STS: variants seen among roughly 807,000 people sequenced by gnomAD.
The protein encoded by STS is steryl-sulfatase.
STS carries 7 observed loss-of-function variants against 26.8 expected under a neutral mutation model. The observed-to-expected ratio is 0.26, with a 90% CI of 0.15 to 0.49. STS has a LOEUF of 0.49. Among genes scored for constraint, STS ranks in the 20% least tolerant of loss-of-function variants. STS has a pLI of 0.98. For missense variants in STS, 434 were observed against 465.6 expected, an observed-to-expected ratio of 0.93 and a Z score of 0.63; for synonymous variants, 199 against 189.4, an observed-to-expected ratio of 1.05 and a Z score of -0.42.
In STS at chrX:7,259,784, C is replaced by T; in HGVS notation, c.806+12C>T. ...CAGTTCATACAGCGGTGGGTATTGCCTTGTCCTCTGATGCTGCCTGTTAAA... is the reference window on the plus strand; with the variant it reads ...CAGTTCATACAGCGGTGGGTATTGCTTTGTCCTCTGATGCTGCCTGTTAAA... On this transcript the variant is annotated intron_variant, in intron 6 of 10. Coordinates refer to ENST00000674429, the MANE Select transcript of STS (RefSeq NM_001320752.2). The T allele has an allele frequency of 8.3e-7, 1 of 1,207,712 alleles. No homozygotes were observed. The highest frequency in any genetic ancestry group is 1.1e-6 in the Non-Finnish European group (1 of 894,087).
intron 2 of STS, among the ~76,000 whole-genome samples, chrX:7,196,455 C>A (rs1387379105): frequency 1.8e-5 from 2 of 111,490 alleles, no homozygotes; most frequent in African/African-American, 6.5e-5. Context: ...ATAATTCTTA[C>A]GCCAAAGAAG....
At chrX:7,333,319 T>C (rs1841986872) in intron 9 of STS, among the ~76,000 whole-genome samples, 1 of 112,414 alleles carries the variant, frequency 8.9e-6, no homozygotes, top group South Asian at 3.7e-4. Context: ...TAAGTAATCT[T>C]ATTTTGCTCA....
In STS at chrX:7,259,659, C is replaced by T. The variant is rs1407325114; in HGVS notation, c.693C>T (p.Tyr231=). 2 of 1,211,089 alleles carry T rather than the reference C, an allele frequency of 1.7e-6. No individual in the cohort carries two copies. The highest frequency in any genetic ancestry group is 3.5e-5 in the South Asian group (2 of 56,888). ...ILTLFLGFLH[Y]FRPLNCFMMR... ...CCCTTTTCTTGGGCTTCCTTCATTACTTCCGGCCCCTGAACTGCTTCATGA... is the reference window on the plus strand; with the variant it reads ...CCCTTTTCTTGGGCTTCCTTCATTATTTCCGGCCCCTGAACTGCTTCATGA... Residue 231 remains tyrosine, a synonymous_variant, in exon 6 of 11, where the codon TAC becomes TAT. Coordinates refer to ENST00000674429, the MANE Select transcript of STS (RefSeq NM_001320752.2).
intron 8 of STS, among the ~76,000 whole-genome samples, chrX:7,320,024 TTATA>T (rs1193661268): frequency 1.1e-5 from 1 of 94,490 alleles, no homozygotes; most frequent in African/African-American, 3.9e-5. Flanking sequence ...TTATATATAT[TTATA>T]TATATATTTA....
chrX:7,169,822 G>A (rs1933428269), intron 1 of STS, among the ~76,000 whole-genome samples: 1 of 107,164 alleles, frequency 9.3e-6, no homozygotes, highest in Admixed American at 1.0e-4. Flanking sequence ...TGTTGGAAAA[G>A]GCAGTGTCAA....
At chrX:7,235,614 T>G (rs1922280487) in intron 2 of STS, among the ~76,000 whole-genome samples, 1 of 111,418 alleles carries the variant, frequency 9.0e-6, no homozygotes, top group Non-Finnish European at 1.9e-5. Flanking sequence ...TTACAAAAAT[T>G]TTTTAAAAAT....
At chrX:7,252,198 C>T (rs1413909440) in intron 2 of STS, 6 of 518,282 alleles carry the variant, frequency 1.2e-5, no homozygotes, top group Non-Finnish European at 1.4e-5. Flanking sequence ...TGAGTTTTGT[C>T]TCCTGATGTC....
chrX:7,250,871 C>G (rs1923106407), intron 2 of STS, among the ~76,000 whole-genome samples: 1 of 112,077 alleles, frequency 8.9e-6, no homozygotes, highest in Non-Finnish European at 1.9e-5. Context: ...ATGAGGAAAG[C>G]AGAAAGTGTC....
intron 1 of STS, among the ~76,000 whole-genome samples, chrX:7,156,787 A>G (rs1403358732): frequency 8.9e-6 from 1 of 112,236 alleles, no homozygotes; most frequent in Non-Finnish European, 1.9e-5. Flanking sequence ...AAAAATACCT[A>G]GAAACTATTC....
chrX:7,251,056 C>G (rs1231711012), intron 2 of STS, among the ~76,000 whole-genome samples: 1 of 112,362 alleles, frequency 8.9e-6, no homozygotes, highest in Non-Finnish European at 1.9e-5. Flanking sequence ...ACATGCAAAT[C>G]TGTGTGTCTG....
At chrX:7,293,441 C>A (rs1925512080) in intron 7 of STS, among the ~76,000 whole-genome samples, 1 of 111,851 alleles carries the variant, frequency 8.9e-6, no homozygotes, top group African/African-American at 3.2e-5. Context: ...CACTGAATTC[C>A]TCAATGATTC....
At chrX:7,319,837 TG>T (rs1926879414) in intron 8 of STS, among the ~76,000 whole-genome samples, 1 of 105,486 alleles carries the variant, frequency 9.5e-6, no homozygotes, top group African/African-American at 3.5e-5. Flanking sequence ...CAGACAAACC[TG>T]GATTTCTATC....
intron 6 of STS, among the ~76,000 whole-genome samples, chrX:7,261,890 T>G (rs960811532): frequency 8.9e-6 from 1 of 112,299 alleles, no homozygotes; most frequent in Non-Finnish European, 1.9e-5. Context: ...CTTCTAAAAA[T>G]GAGACACAAA....
chrX:7,209,440 A>G (rs1216616891), intron 2 of STS, among the ~76,000 whole-genome samples: 1 of 106,108 alleles, frequency 9.4e-6, no homozygotes. Flanking sequence ...ATTATATAGT[A>G]TAAATGTTTT....
intron 2 of STS, among the ~76,000 whole-genome samples, chrX:7,233,230 A>T (rs1423095668): frequency 1.9e-5 from 2 of 107,169 alleles, no homozygotes; most frequent in Non-Finnish European, 3.8e-5. Flanking sequence ...AGCAGCTGGG[A>T]TTATAGGCAT....
chrX:7,306,463 T>G (rs1926222551), intron 8 of STS, among the ~76,000 whole-genome samples: 1 of 111,941 alleles, frequency 8.9e-6, no homozygotes, highest in Admixed American at 9.5e-5. Context: ...TGCTTTTATC[T>G]ATCAATTTGT....
chrX:7,336,542 A>G (rs1268455161), intron 10 of STS, among the ~76,000 whole-genome samples: 1 of 112,208 alleles, frequency 8.9e-6, no homozygotes, highest in African/African-American at 3.2e-5. Context: ...AACAACAGAA[A>G]CATGGGCTTG....
chrX:7,268,424 G>T (rs1285737782), intron 6 of STS, among the ~76,000 whole-genome samples: 7 of 111,557 alleles, frequency 6.3e-5, no homozygotes, highest in African/African-American at 2.3e-4. Context: ...TGGCTGTGAT[G>T]AATAGCTGTG....
intron 2 of STS, among the ~76,000 whole-genome samples, chrX:7,235,355 G>A (rs371772774): frequency 8.9e-6 from 1 of 112,293 alleles, no homozygotes; most frequent in South Asian, 3.7e-4. Flanking sequence ...TCCCAAGTCT[G>A]TACATTTGCT....
Sources: gnomAD v4.1 joint callset for allele counts (sites outside exome capture counted in the v4.1 genomes callset) on GRCh38, gnomAD v4.1.1 for gene constraint, MANE v1.5 for transcripts, NCBI Gene and HGNC (gene_info 2026-07-23, HGNC 2026-07-21) for gene names.